ERC1: variants seen among roughly 807,000 people sequenced by gnomAD.
ERC1 encodes ELKS/RAB6-interacting/CAST family member 1, also known as RAB6 interacting protein 2.
In ERC1, 56 loss-of-function variants were observed where a neutral mutation model predicts 132.0. The ratio of observed to expected loss-of-function variants is 0.42; its 90% confidence interval spans 0.34 to 0.53. The LOEUF (loss-of-function observed/expected upper bound fraction) is 0.53. ERC1 is among the 20% of genes least tolerant of loss of function. ERC1 has a pLI of 0.03. For synonymous variants in ERC1, 478 were observed against 476.1 expected, an observed-to-expected ratio of 1.00 and a Z score of -0.05; for missense variants, 1,202 against 1,349.9, an observed-to-expected ratio of 0.89 and a Z score of 1.72.
chr12:1,200,393 C>G (rs1017967696), intron 12 of ERC1, among the ~76,000 whole-genome samples: 9 of 152,116 alleles, frequency 5.9e-5, no homozygotes, highest in Admixed American at 5.9e-4. Context: ...GAAAACTTTA[C>G]TGACCTCCTT....
chr12:1,479,495 C>G (rs191153972), intron 18 of ERC1, among the ~76,000 whole-genome samples: 1 of 152,186 alleles, frequency 6.6e-6, no homozygotes, highest in African/African-American at 2.4e-5. Context: ...TTCGAGAGGG[C>G]AATTTCAGTG....
intron 16 of ERC1, among the ~76,000 whole-genome samples, chr12:1,405,146 T>TTAA (rs1555394269): frequency 7.0e-6 from 1 of 142,202 alleles, no homozygotes; most frequent in Admixed American, 7.0e-5. Flanking sequence ...GCTCAAAAAA[T>TTAA]ATAAATAAAT....
intron 12 of ERC1, among the ~76,000 whole-genome samples, chr12:1,221,944 A>G (rs1959027207): frequency 6.6e-6 from 1 of 152,178 alleles, no homozygotes; most frequent in Non-Finnish European, 1.5e-5. Context: ...TTGTACAAAT[A>G]TCATAGCGTA....
intron 12 of ERC1, among the ~76,000 whole-genome samples, chr12:1,223,643 C>G (rs1315572064): frequency 6.6e-6 from 1 of 152,166 alleles, no homozygotes; most frequent in African/African-American, 2.4e-5. Flanking sequence ...TTTCTGTCTT[C>G]TTACACTTTT....
chr12:1,341,069 C>CTTTTTCTTTTTT (rs2083806518), intron 15 of ERC1, among the ~76,000 whole-genome samples: 2 of 63,134 alleles, frequency 3.2e-5, no homozygotes, highest in African/African-American at 1.3e-4. Context: ...TTTTCTTTTT[C>CTTTTTCTTTTTT]TTTTTTTTTT....
At chr12:1,373,177 T>C (rs1006653782) in intron 16 of ERC1, among the ~76,000 whole-genome samples, 3 of 152,234 alleles carry the variant, frequency 2.0e-5, no homozygotes, top group Non-Finnish European at 2.9e-5. Flanking sequence ...ATAGGAAGAA[T>C]GTGCTTATTA....
intron 17 of ERC1, among the ~76,000 whole-genome samples, chr12:1,425,510 A>T (rs1313360720): frequency 6.6e-6 from 1 of 152,220 alleles, no homozygotes; most frequent in African/African-American, 2.4e-5. Context: ...CTTTCCTCAT[A>T]GCAAGGACTG....
At chr12:1,097,640 A>G (rs1944204995) in intron 3 of ERC1, among the ~76,000 whole-genome samples, 1 of 152,064 alleles carries the variant, frequency 6.6e-6, no homozygotes, top group Non-Finnish European at 1.5e-5. Flanking sequence ...CAAAGACTCA[A>G]GGGGACCCTT....
chr12:1,442,395 A>G (rs2154409995), intron 17 of ERC1, among the ~76,000 whole-genome samples: 1 of 152,340 alleles, frequency 6.6e-6, no homozygotes, highest in African/African-American at 2.4e-5. Context: ...AGGAAATTCC[A>G]GCCCAGAACT....
At chr12:995,181 T>C (rs1271940712) in intron 1 of ERC1, among the ~76,000 whole-genome samples, 1 of 151,340 alleles carries the variant, frequency 6.6e-6, no homozygotes, top group African/African-American at 2.4e-5. Context: ...CACTTGAACC[T>C]AGGGGTTCGA....
At chr12:1,162,245 G>C (rs998749444) in intron 8 of ERC1, among the ~76,000 whole-genome samples, 1 of 152,292 alleles carries the variant, frequency 6.6e-6, no homozygotes, top group South Asian at 2.1e-4. Flanking sequence ...AAGTAGTTCT[G>C]TGTTACAGTA....
intron 12 of ERC1, among the ~76,000 whole-genome samples, chr12:1,235,193 C>T (rs12425793): frequency 0.19 from 29,512 of 152,104 alleles, 3,409 homozygotes; most frequent in Non-Finnish European, 0.27. Flanking sequence ...ATAGTGAAAC[C>T]TCATCTCTAC....
In ERC1 at chr12:1,200,626, T is replaced by A. The variant is rs188313636; in HGVS notation, c.2351+10574T>A. ...CAGGCTGGAGTGCAGTGGCACGATC[T>A]CGGCTCACTGCAAGCTCCGCCTCCC... On this transcript the variant is annotated intron_variant, in intron 12 of 18. Transcript: ENST00000360905. Among the ~76,000 whole-genome samples, 551 of 152,038 alleles carry A rather than the reference T, an allele frequency of 3.6e-3. 4 individuals are homozygous for A. Among genetic ancestry groups the A allele is most frequent in the Admixed American group, 7.7e-3 (118 of 15,268 alleles).
At chr12:1,373,615 A>C (rs1016719396) in intron 16 of ERC1, among the ~76,000 whole-genome samples, 1 of 152,184 alleles carries the variant, frequency 6.6e-6, no homozygotes, top group Non-Finnish European at 1.5e-5. Flanking sequence ...CCCCGTCTCC[A>C]CTAAAAATAC....
intron 14 of ERC1, among the ~76,000 whole-genome samples, chr12:1,284,265 C>CGTGTGTGT (rs71055142): frequency 0.027 from 3,742 of 140,124 alleles, 74 homozygotes; most frequent in East Asian, 0.067. Context: ...GAATAGTATT[C>CGTGTGTGT]GTGTGTGTGT....
chr12:1,071,903 C>A (rs931512191), intron 2 of ERC1, among the ~76,000 whole-genome samples: 1 of 152,054 alleles, frequency 6.6e-6, no homozygotes, highest in Admixed American at 6.6e-5. Flanking sequence ...GAGTTTGAGA[C>A]CAGCCTGGCC....
In ERC1 at chr12:1,493,964, A is replaced by C. The variant is rs188967422; in HGVS notation, c.*3734A>C. 1 of 232,420 alleles carries C rather than the reference A, an allele frequency of 4.3e-6. No individual in the cohort carries two copies. The highest frequency in any genetic ancestry group is 5.6e-5 in the Admixed American group (1 of 17,762). The allele number at this position is 232,420 out of a possible 1,614,324, so 14.4% of individuals were successfully genotyped here. On this transcript the variant is annotated 3_prime_UTR_variant, in exon 19 of 19. Coordinates refer to ENST00000360905, the MANE Select transcript of ERC1 (RefSeq NM_178040.4). ...ATAAATGTTTCTGAGCCGCCCATCC[A>C]CTGGCATTTGGATTTGCTGCCAGAG...
chr12:1,260,096 A>G (rs2077050769), intron 13 of ERC1, among the ~76,000 whole-genome samples: 1 of 151,980 alleles, frequency 6.6e-6, no homozygotes. Flanking sequence ...CTTCATTTTC[A>G]TAGAGTATAC....
intron 14 of ERC1, among the ~76,000 whole-genome samples, chr12:1,276,429 G>A (rs2078276165): frequency 6.6e-6 from 1 of 151,670 alleles, no homozygotes; most frequent in African/African-American, 2.4e-5. Context: ...TAGTAGAGAC[G>A]GGGTTTCGCT....
Sources: allele counts gnomAD v4.1 joint callset (sites outside exome capture counted in the v4.1 genomes callset), GRCh38; gene constraint gnomAD v4.1.1; transcripts MANE v1.5; gene names NCBI Gene and HGNC (gene_info 2026-07-23, HGNC 2026-07-21).